ZBTB20: variants seen among roughly 807,000 people sequenced by gnomAD.
The protein encoded by ZBTB20 is zinc finger and BTB domain-containing protein 20.
Under a neutral mutation model 56.9 loss-of-function variants are expected in ZBTB20, and 9 were observed. The observed-to-expected ratio is 0.16, with a 90% CI of 0.10 to 0.28. The LOEUF (loss-of-function observed/expected upper bound fraction) is 0.28, where lower values mean the gene tolerates loss of function less well. Ranked by LOEUF, ZBTB20 falls within the 10% of genes least tolerant of loss-of-function variation. The pLI is 1.00. For missense variants in ZBTB20, 655 were observed against 1,003.0 expected (o/e 0.65, Z 4.69); for synonymous variants, 417 against 420.7 (o/e 0.99, Z 0.11).
chr3:114,380,470 T>C (rs2084180548), intron 9 of ZBTB20, 66 bp from the exon 10 acceptor site: 1 of 1,447,728 alleles, frequency 6.9e-7, no homozygotes, highest in Non-Finnish European at 9.1e-7. Context: ...ATTTTTAGAA[T>C]CTGTTAAAGA....
chr3:114,364,556 C>G (rs2082203620), intron 10 of ZBTB20, among the ~76,000 whole-genome samples: 2 of 152,196 alleles, frequency 1.3e-5, no homozygotes, highest in South Asian at 4.1e-4. Context: ...GATTGTCTTA[C>G]TAGCTGAGCT....
intron 6 of ZBTB20, among the ~76,000 whole-genome samples, chr3:114,534,585 C>G (rs113617326): frequency 0.012 from 1,824 of 152,214 alleles, 37 homozygotes; most frequent in African/African-American, 0.039. Flanking sequence ...ATCAATGAGA[C>G]AGAAAATTAA....
intron 2 of ZBTB20, among the ~76,000 whole-genome samples, chr3:114,983,601 G>T (rs1352002247): frequency 6.6e-6 from 1 of 151,990 alleles, no homozygotes; most frequent in Non-Finnish European, 1.5e-5. Context: ...AAAGAAGTTT[G>T]TGTGTAACTT....
chr3:115,144,394 T>C (rs746220077), intron 1 of ZBTB20, among the ~76,000 whole-genome samples: 3 of 152,190 alleles, frequency 2.0e-5, no homozygotes, highest in Admixed American at 6.5e-5. Flanking sequence ...CTTTCACTAA[T>C]GCAACAAAAA....
intron 5 of ZBTB20, among the ~76,000 whole-genome samples, chr3:114,714,464 C>A (rs567900394): frequency 2.8e-4 from 42 of 152,200 alleles, no homozygotes; most frequent in African/African-American, 9.6e-4. Flanking sequence ...GCTTTTCAAT[C>A]CCTTTGTTCT....
Position 114,317,374 on chromosome 3 carries a change from C to T in ZBTB20, c.*21631G>A, listed in dbSNP as rs957966641. ...CTTTTTTCTAAACACACCCACACCACCCCCAACCCCCCATGCCCACCCCAC... is the reference window on the plus strand; with the variant it reads ...CTTTTTTCTAAACACACCCACACCATCCCCAACCCCCCATGCCCACCCCAC... On this transcript the variant is annotated 3_prime_UTR_variant, in exon 12 of 12. Coordinates refer to ENST00000675478, the MANE Select transcript of ZBTB20 (RefSeq NM_001348800.3). 2 of 148,344 alleles carry T rather than the reference C, an allele frequency of 1.3e-5. No homozygotes were observed. Among genetic ancestry groups the T allele is most frequent in the African/African-American group, 2.5e-5 (1 of 40,480 alleles). 9.2% of individuals were successfully genotyped at this position (148,344 alleles called of 1,614,324 possible).
chr3:114,702,071 CTATCGTCACCATG>C (rs1218768883), intron 5 of ZBTB20, among the ~76,000 whole-genome samples: 1 of 152,100 alleles, frequency 6.6e-6, no homozygotes, highest in Non-Finnish European at 1.5e-5. Flanking sequence ...GGCATGGTGA[CTATCGTCACCATG>C]GGAGTCGCTT....
intron 3 of ZBTB20, among the ~76,000 whole-genome samples, chr3:114,969,647 A>G (rs1046353814): frequency 1.1e-4 from 16 of 152,340 alleles, no homozygotes; most frequent in South Asian, 4.1e-4. Flanking sequence ...AACCATTACT[A>G]TGGCAAATAC....
At chr3:114,985,089 C>T (rs1215909323) in intron 2 of ZBTB20, among the ~76,000 whole-genome samples, 1 of 152,046 alleles carries the variant, frequency 6.6e-6, no homozygotes, top group East Asian at 1.9e-4. Flanking sequence ...GATTTCTTTT[C>T]TTCACAGGAT....
At chr3:114,728,826 CT>C (rs1316929918) in intron 5 of ZBTB20, among the ~76,000 whole-genome samples, 1 of 152,186 alleles carries the variant, frequency 6.6e-6, no homozygotes, top group African/African-American at 2.4e-5. Context: ...CTCAATTTCT[CT>C]AATGATCAGT....
chr3:114,949,016 C>T (rs570525630), intron 3 of ZBTB20, among the ~76,000 whole-genome samples: 10 of 145,878 alleles, frequency 6.9e-5, no homozygotes, highest in Admixed American at 3.3e-4. Flanking sequence ...ATTTACACTA[C>T]CAGATATTAA....
At chr3:114,704,700 G>A (rs1578431312) in intron 5 of ZBTB20, among the ~76,000 whole-genome samples, 1 of 152,078 alleles carries the variant, frequency 6.6e-6, no homozygotes, top group East Asian at 1.9e-4. Context: ...TCAAGATAAT[G>A]AATTCTAACT....
intron 1 of ZBTB20, among the ~76,000 whole-genome samples, chr3:115,122,043 G>A (rs570524767): frequency 6.6e-6 from 1 of 152,098 alleles, no homozygotes; most frequent in South Asian, 2.1e-4. Context: ...TGAGCATTTA[G>A]AATCATACTG....
intron 7 of ZBTB20, among the ~76,000 whole-genome samples, chr3:114,482,771 G>T (rs894734792): frequency 2.6e-5 from 4 of 152,066 alleles, no homozygotes; most frequent in African/African-American, 9.7e-5. Flanking sequence ...ATAGACCAAG[G>T]TCTAGAAATT....
chr3:115,146,977 G>A (rs937219089), intron 1 of ZBTB20, among the ~76,000 whole-genome samples: 20 of 150,522 alleles, frequency 1.3e-4, no homozygotes, highest in African/African-American at 4.6e-4. Flanking sequence ...AAGGGCGCCG[G>A]GGGAGGGGGC....
chr3:115,001,737 G>C (rs2079260076), intron 2 of ZBTB20, among the ~76,000 whole-genome samples: 1 of 150,958 alleles, frequency 6.6e-6, no homozygotes, highest in African/African-American at 2.4e-5. Context: ...TCTGATCAAA[G>C]GTATCAAAAA....
intron 7 of ZBTB20, among the ~76,000 whole-genome samples, chr3:114,470,773 A>G (rs547157855): frequency 6.6e-6 from 1 of 152,290 alleles, no homozygotes; most frequent in East Asian, 1.9e-4. Flanking sequence ...CCTTCCTGAA[A>G]TACTAACATC....
chr3:114,551,632 A>G (rs2050594543), intron 6 of ZBTB20, among the ~76,000 whole-genome samples: 1 of 152,226 alleles, frequency 6.6e-6, no homozygotes. Flanking sequence ...GAAGTGGGCT[A>G]TTCAGGAAAA....
At chr3:114,925,227 C>T (rs1236442421) in intron 3 of ZBTB20, among the ~76,000 whole-genome samples, 1 of 151,938 alleles carries the variant, frequency 6.6e-6, no homozygotes. Flanking sequence ...TGTGATCCGC[C>T]CCCTCAGCCT....
Sources: allele counts gnomAD v4.1 joint callset (sites outside exome capture counted in the v4.1 genomes callset), GRCh38; gene constraint gnomAD v4.1.1; transcripts MANE v1.5; gene names NCBI Gene and HGNC (gene_info 2026-07-23, HGNC 2026-07-21).